Variants in CTBP2 observed in about 807,000 individuals in gnomAD.
CTBP2 encodes the protein C-terminal binding protein 2.
In CTBP2, 30 loss-of-function variants were observed where a neutral mutation model predicts 80.3. The ratio of observed to expected loss-of-function variants is 0.37; its 90% CI spans 0.28 to 0.51. CTBP2 has a LOEUF of 0.51. CTBP2 is among the 20% of genes least tolerant of loss of function. CTBP2 has a pLI of 0.93. For missense variants in CTBP2, 1,212 were observed against 1,375.3 expected (o/e 0.88, Z 1.88); for synonymous variants, 594 against 587.4 (o/e 1.01, Z -0.16).
chr10:125,016,171 C>T (rs1350380723), intron 1 of CTBP2, among the ~76,000 whole-genome samples: 1 of 152,136 alleles, frequency 6.6e-6, no homozygotes, highest in East Asian at 1.9e-4. Context: ...CCCGCCCACC[C>T]TTCCCAGTGC....
intron 3 of CTBP2, among the ~76,000 whole-genome samples, chr10:125,037,511 T>C (rs2949368): frequency 0.57 from 86,926 of 152,046 alleles, 25,498 homozygotes; most frequent in African/African-American, 0.67. Flanking sequence ...CTGGTGAACC[T>C]ATACTGTGGA....
At chr10:125,071,234 G>C (rs80075909) in intron 2 of CTBP2, among the ~76,000 whole-genome samples, 2,316 of 152,356 alleles carry the variant, frequency 0.015, 54 homozygotes, top group African/African-American at 0.052. Flanking sequence ...GGAAGGGAAG[G>C]AGCATTTGCG....
intron 2 of CTBP2, among the ~76,000 whole-genome samples, chr10:125,098,676 G>C (rs1043927531): frequency 4.1e-5 from 5 of 122,924 alleles, no homozygotes; most frequent in Admixed American, 2.3e-4. Context: ...GAGAGAGAGA[G>C]AGAGAGAGAG....
intron 1 of CTBP2, among the ~76,000 whole-genome samples, chr10:125,009,310 G>A (rs1299502659): frequency 6.6e-6 from 1 of 152,212 alleles, no homozygotes; most frequent in African/African-American, 2.4e-5. Flanking sequence ...GGTGGCCTGG[G>A]AGGCAGGAGG....
At chr10:124,997,118 C>T (rs983946876) in intron 4 of CTBP2, 1 of 152,290 alleles carries the variant, frequency 6.6e-6, no homozygotes, top group Non-Finnish European at 1.5e-5. Context: ...CTGGGAGTCT[C>T]CCGGAGGCCA....
At chr10:125,128,995 C>G (rs1028658269) in intron 1 of CTBP2, among the ~76,000 whole-genome samples, 5 of 152,142 alleles carry the variant, frequency 3.3e-5, no homozygotes, top group African/African-American at 7.2e-5. Context: ...TAATCTGGCC[C>G]AAAATGTCTT....
intron 2 of CTBP2, among the ~76,000 whole-genome samples, chr10:125,098,046 A>G (rs928154249): frequency 4.6e-5 from 7 of 152,110 alleles, no homozygotes; most frequent in African/African-American, 1.7e-4. Context: ...GCTTGAACCC[A>G]GGAGGCGGAG....
intron 1 of CTBP2, chr10:125,006,001 A>G (rs1350123667): frequency 7.0e-6 from 10 of 1,435,324 alleles, no homozygotes; most frequent in Non-Finnish European, 9.1e-6. Context: ...GGAGCCTGAG[A>G]GGCCATTGTC....
chr10:125,122,126 G>C (rs1854425249), intron 1 of CTBP2, among the ~76,000 whole-genome samples: 2 of 152,182 alleles, frequency 1.3e-5, no homozygotes, highest in Non-Finnish European at 2.9e-5. Flanking sequence ...GCCCCTAAAG[G>C]ACATAGAAAT....
At position 125,026,719 on chromosome 10, in the gene CTBP2, A is replaced by C. The variant is rs760861366; in HGVS notation, c.1041T>G (p.Asn347Lys). ...GCAGCTGCATTTCGGTCCTGCAGCTATTGGCCAGGCGGCTCAGAACACGGG... is the reference window on the plus strand; with the variant it reads ...GCAGCTGCATTTCGGTCCTGCAGCTCTTGGCCAGGCGGCTCAGAACACGGG... Residue 347 changes from asparagine to lysine, a missense_variant, in exon 1 of 9, where the codon AAT becomes AAG. This residue lies in a region of CTBP2 where 848 missense variants were observed against 782.3 expected (regional missense o/e 1.08). Transcript: ENST00000309035. 2 of 1,612,832 alleles carry C rather than the reference A, an allele frequency of 1.2e-6. No individual in the cohort carries two copies. The highest frequency in any genetic ancestry group is 2.2e-5 in the South Asian group (2 of 91,082).
chr10:125,101,727 C>T (rs767201935), intron 2 of CTBP2, among the ~76,000 whole-genome samples: 59 of 152,204 alleles, frequency 3.9e-4, no homozygotes, highest in Non-Finnish European at 7.5e-4. Context: ...ACCACAGGTA[C>T]CGGCTTGGAG....
chr10:125,101,941 C>T lies in CTBP2; in HGVS notation c.-102+9049G>A, dbSNP rs577554110. Reference sequence around the variant, plus strand: ...AAGTCAGGGCCTTCAGTGCCTCGATCGCTGAAACAATGCACATTGTACCCA... The same window carrying T: ...AAGTCAGGGCCTTCAGTGCCTCGATTGCTGAAACAATGCACATTGTACCCA... On this transcript the variant is annotated intron_variant, in intron 2 of 10. Transcript: ENST00000337195. Among the ~76,000 whole-genome samples the T allele has an allele frequency of 4.6e-5, 7 of 152,258 alleles. No homozygotes were observed. In the East Asian group the frequency reaches 9.7e-4, roughly 21 times the overall value.
intron 2 of CTBP2, among the ~76,000 whole-genome samples, chr10:125,076,153 A>AC (rs1846241559): frequency 6.6e-6 from 1 of 151,676 alleles, no homozygotes; most frequent in Admixed American, 6.6e-5. Context: ...CAAGCTCCAG[A>AC]CCCCCATTAC....
chr10:125,122,184 G>C (rs1413287074), intron 1 of CTBP2, among the ~76,000 whole-genome samples: 1 of 152,198 alleles, frequency 6.6e-6, no homozygotes, highest in East Asian at 1.9e-4. Context: ...TGGGAATCCT[G>C]AACTAACTTA....
At chr10:125,061,525 C>T (rs1964971351) in intron 2 of CTBP2, among the ~76,000 whole-genome samples, 1 of 152,200 alleles carries the variant, frequency 6.6e-6, no homozygotes, top group African/African-American at 2.4e-5. Context: ...AAGGAACAGC[C>T]AGTTTGACAC....
intron 1 of CTBP2, among the ~76,000 whole-genome samples, chr10:125,151,585 T>C (rs1034916945): frequency 1.3e-5 from 2 of 152,200 alleles, no homozygotes; most frequent in Non-Finnish European, 2.9e-5. Context: ...TCAGCCACCA[T>C]CGCGCAGTCA....
chr10:125,058,693 G>A (rs146378109), intron 2 of CTBP2, among the ~76,000 whole-genome samples: 1,674 of 152,148 alleles, frequency 0.011, 25 homozygotes, highest in African/African-American at 0.038. Context: ...CCGGGAGTTC[G>A]AGACTAGCCC....
chr10:125,108,675 G>C (rs1851826906), intron 2 of CTBP2, among the ~76,000 whole-genome samples: 1 of 144,320 alleles, frequency 6.9e-6, no homozygotes, highest in Non-Finnish European at 1.5e-5. Flanking sequence ...GAGAGCATCT[G>C]CAAGTGGTCA....
At chr10:125,056,212 T>TAAC (rs1963908398) in intron 2 of CTBP2, among the ~76,000 whole-genome samples, 1 of 150,766 alleles carries the variant, frequency 6.6e-6, no homozygotes, top group Non-Finnish European at 1.5e-5. Context: ...ATAATAATAA[T>TAAC]AACTAATAAA....
Sources: gnomAD v4.1 joint callset for allele counts (sites outside exome capture counted in the v4.1 genomes callset) on GRCh38, gnomAD v4.1.1 for gene constraint, gnomAD v4.1.1 regional missense constraint, MANE v1.5 for transcripts, NCBI Gene and HGNC (gene_info 2026-07-23, HGNC 2026-07-21) for gene names.